XKR4: variants seen among roughly 807,000 people sequenced by gnomAD.
The protein encoded by XKR4 is XK-related protein 4.
In XKR4, 12 loss-of-function variants were observed where a neutral mutation model predicts 53.9. That is an observed-to-expected ratio of 0.22 (90% CI 0.14 to 0.36). The LOEUF (loss-of-function observed/expected upper bound fraction) is 0.36, where lower values mean the gene tolerates loss of function less well. Ranked by LOEUF, XKR4 falls within the 10% of genes least tolerant of loss-of-function variation. The probability of loss-of-function intolerance (pLI) is 1.00; values close to 1 mark genes in which losing one functional copy is unlikely to be tolerated. For missense variants in XKR4, 799 were observed against 859.5 expected, an observed-to-expected ratio of 0.93 and a Z score of 0.88; for synonymous variants, 354 against 362.4, an observed-to-expected ratio of 0.98 and a Z score of 0.26.
chr8:55,106,362 A>C (rs1374596965), intron 1 of XKR4, among the ~76,000 whole-genome samples: 2 of 152,188 alleles, frequency 1.3e-5, no homozygotes, highest in Non-Finnish European at 2.9e-5. Context: ...AAAGTTTACT[A>C]ATGGGAAATT....
chr8:55,307,786 G>T (rs1017442713), intron 1 of XKR4, among the ~76,000 whole-genome samples: 2 of 152,152 alleles, frequency 1.3e-5, no homozygotes, highest in African/African-American at 4.8e-5. Context: ...CTAAAATTAA[G>T]AACAGTGACA....
intron 2 of XKR4, among the ~76,000 whole-genome samples, chr8:55,470,383 A>G (rs1354187181): frequency 6.6e-6 from 1 of 152,096 alleles, no homozygotes; most frequent in East Asian, 1.9e-4. Flanking sequence ...AATTTCCCCC[A>G]TACTGTTCTC....
intron 1 of XKR4, among the ~76,000 whole-genome samples, chr8:55,107,372 A>G (rs763782118): frequency 2.6e-5 from 4 of 152,168 alleles, no homozygotes; most frequent in Non-Finnish European, 5.9e-5. Context: ...CCAAATGCCA[A>G]CTTGGATAAT....
intron 1 of XKR4, among the ~76,000 whole-genome samples, chr8:55,255,983 G>C (rs897271180): frequency 2.0e-5 from 3 of 151,422 alleles, no homozygotes; most frequent in Non-Finnish European, 4.4e-5. Context: ...AATGATAGAG[G>C]TGTGTCTAGG....
chr8:55,373,205 C>A (rs967834521), intron 2 of XKR4, among the ~76,000 whole-genome samples: 4 of 152,128 alleles, frequency 2.6e-5, no homozygotes, highest in Non-Finnish European at 2.9e-5. Flanking sequence ...CTCACCCTGT[C>A]GTCTAGTCGG....
chr8:55,360,410 A>C (rs762378053), intron 2 of XKR4, among the ~76,000 whole-genome samples: 29 of 152,226 alleles, frequency 1.9e-4, no homozygotes, highest in Admixed American at 3.3e-4. Context: ...TGTGAGTTCT[A>C]AGAACAGAGC....
At chr8:55,173,337 A>G (rs1302903694) in intron 1 of XKR4, among the ~76,000 whole-genome samples, 2 of 151,258 alleles carry the variant, frequency 1.3e-5, no homozygotes, top group East Asian at 3.9e-4. Flanking sequence ...ATTCCTTCCT[A>G]CTTCTTTAAC....
intron 1 of XKR4, among the ~76,000 whole-genome samples, chr8:55,123,177 AGTATC>A (rs1296974316): frequency 5.9e-5 from 9 of 152,216 alleles, no homozygotes; most frequent in Non-Finnish European, 1.3e-4. Flanking sequence ...TGCTCACAGT[AGTATC>A]CCCAGCATGT....
chr8:55,168,313 G>A lies in XKR4; in HGVS notation c.806+65019G>A, dbSNP rs571304068. On this transcript the variant is annotated intron_variant, in intron 1 of 2. Coordinates refer to ENST00000327381, the MANE Select transcript of XKR4 (RefSeq NM_052898.2). ...TGTGGTGGTGTTTTTCATCAAAAAC[G>A]TAGAGGACAGAATGGATGTTTTAAG... 5.3e-5 allele frequency among the ~76,000 whole-genome samples: 8 copies of A among 152,236 alleles called. No homozygotes were observed. In the East Asian group the frequency reaches 1.2e-3, roughly 22 times the overall value.
chr8:55,325,643 ATAT>A (rs1254425530), intron 1 of XKR4, among the ~76,000 whole-genome samples: 1 of 152,182 alleles, frequency 6.6e-6, no homozygotes, highest in African/African-American at 2.4e-5. Context: ...TCTATTTTAA[ATAT>A]TATTTTTTCT....
intron 2 of XKR4, among the ~76,000 whole-genome samples, chr8:55,407,510 A>G (rs889314048): frequency 1.3e-5 from 2 of 152,164 alleles, no homozygotes; most frequent in Non-Finnish European, 2.9e-5. Context: ...TTGCACATTC[A>G]CGGGCCTGAT....
At chr8:55,452,966 G>A (rs375204818) in intron 2 of XKR4, 15 of 733,874 alleles carry the variant, frequency 2.0e-5, no homozygotes, top group Non-Finnish European at 3.0e-5. Context: ...GCTTCTCACC[G>A]CTCAGGGATG....
At chr8:55,505,426 C>T (rs935762306) in intron 2 of XKR4, among the ~76,000 whole-genome samples, 1 of 152,030 alleles carries the variant, frequency 6.6e-6, no homozygotes, top group African/African-American at 2.4e-5. Context: ...TGGCACACAC[C>T]CATAGTCCCA....
chr8:55,416,733 T>A (rs1386503996), intron 2 of XKR4, among the ~76,000 whole-genome samples: 1 of 152,196 alleles, frequency 6.6e-6, no homozygotes, highest in Non-Finnish European at 1.5e-5. Flanking sequence ...ATATTGTATC[T>A]AGCCAAAAGC....
At chr8:55,512,697 G>A (rs1239865026) in intron 2 of XKR4, among the ~76,000 whole-genome samples, 8 of 152,148 alleles carry the variant, frequency 5.3e-5, no homozygotes, top group African/African-American at 1.7e-4. Flanking sequence ...GGGATGGAGA[G>A]AGGAGGAAAA....
chr8:55,313,027 C>G (rs1375182563), intron 1 of XKR4, among the ~76,000 whole-genome samples: 1 of 152,162 alleles, frequency 6.6e-6, no homozygotes, highest in Non-Finnish European at 1.5e-5. Flanking sequence ...CATTATTCTG[C>G]TTCCTTTCTC....
intron 1 of XKR4, among the ~76,000 whole-genome samples, chr8:55,319,794 G>A (rs1200234406): frequency 1.3e-5 from 2 of 152,168 alleles, no homozygotes; most frequent in African/African-American, 4.8e-5. Context: ...TAGACATAAA[G>A]AAAAGTTACT....
At chr8:55,129,784 G>C (rs1245316737) in intron 1 of XKR4, among the ~76,000 whole-genome samples, 1 of 152,162 alleles carries the variant, frequency 6.6e-6, no homozygotes, top group Non-Finnish European at 1.5e-5. Context: ...TGGTGGGAGA[G>C]GGAGAGGAAG....
chr8:55,189,950 TG>T (rs1817423625), intron 1 of XKR4, among the ~76,000 whole-genome samples: 1 of 152,244 alleles, frequency 6.6e-6, no homozygotes. Context: ...TAAAGAACTT[TG>T]GTTCTGTTAG....
Sources: gnomAD v4.1 joint callset for allele counts (sites outside exome capture counted in the v4.1 genomes callset) on GRCh38, gnomAD v4.1.1 for gene constraint, MANE v1.5 for transcripts, NCBI Gene and HGNC (gene_info 2026-07-23, HGNC 2026-07-21) for gene names.